CAPZB: variants seen among roughly 807,000 people sequenced by gnomAD.
The protein encoded by CAPZB is capping actin protein of muscle Z-line subunit beta, also known as F-actin-capping protein subunit beta.
Under a neutral mutation model 38.1 loss-of-function variants are expected in CAPZB, and 2 were observed. The ratio of observed to expected loss-of-function variants is 0.05; its 90% CI spans 0.02 to 0.17. The LOEUF (loss-of-function observed/expected upper bound fraction) is 0.17, where lower values mean the gene tolerates loss of function less well. Ranked by LOEUF, CAPZB falls within the 10% of genes least tolerant of loss-of-function variation. CAPZB has a pLI of 1.00. For missense variants in CAPZB, 161 were observed against 334.2 expected (o/e 0.48, Z 4.04); for synonymous variants, 107 against 127.4 (o/e 0.84, Z 1.08).
rs147950480 is a variant in CAPZB, at chr1:19,422,466, T to C, written c.4-2716A>G. ...ATGCAGGCAAACGTTTTATATATAA[T>C]TCTAATTTAAAGACCACACATACAC... On this transcript the variant is annotated intron_variant, in intron 1 of 8. Coordinates refer to ENST00000264202, the MANE Select transcript of CAPZB (RefSeq NM_004930.5). Among the ~76,000 whole-genome samples the C allele has an allele frequency of 5.2e-3, 794 of 152,234 alleles. 5 individuals carry two copies. The highest frequency in any genetic ancestry group is 0.018 in the African/African-American group (755 of 41,522).
chr1:19,387,346 T>C (rs2094209596), intron 2 of CAPZB, among the ~76,000 whole-genome samples: 1 of 152,210 alleles, frequency 6.6e-6, no homozygotes, highest in African/African-American at 2.4e-5. Flanking sequence ...AGCCCTCTCC[T>C]AGCCCCAGCC....
chr1:19,433,341 A>G (rs11585820), intron 1 of CAPZB, among the ~76,000 whole-genome samples: 31,698 of 152,188 alleles, frequency 0.21, 4,386 homozygotes, highest in African/African-American at 0.39. Context: ...TGTCTTCCAA[A>G]TAACAGTTAA....
chr1:19,347,308 G>C (rs1435082477), intron 6 of CAPZB, among the ~76,000 whole-genome samples: 1 of 152,168 alleles, frequency 6.6e-6, no homozygotes, highest in African/African-American at 2.4e-5. Context: ...AGCCCTGCAC[G>C]AGAGCACTTC....
chr1:19,416,369 G>A (rs2094379351), intron 2 of CAPZB, among the ~76,000 whole-genome samples: 1 of 152,068 alleles, frequency 6.6e-6, no homozygotes, highest in African/African-American at 2.4e-5. Context: ...ACCTCCCGGC[G>A]CTCCCAAGCC....
At chr1:19,458,031 T>A (rs1355572910) in intron 1 of CAPZB, among the ~76,000 whole-genome samples, 1 of 147,998 alleles carries the variant, frequency 6.8e-6, no homozygotes, top group Non-Finnish European at 1.5e-5. Context: ...GGAAGATGAA[T>A]AATTATATGT....
At chr1:19,353,640 T>G (rs1260322793) in intron 6 of CAPZB, among the ~76,000 whole-genome samples, 2 of 151,768 alleles carry the variant, frequency 1.3e-5, no homozygotes, top group Non-Finnish European at 2.9e-5. Flanking sequence ...TGACCACCCA[T>G]CCCCCAAGCC....
chr1:19,472,709 A>ATTTTTTTTTTTTTTTT (rs11334966), intron 1 of CAPZB, among the ~76,000 whole-genome samples: 3 of 61,166 alleles, frequency 4.9e-5, no homozygotes, highest in African/African-American at 2.1e-4. Flanking sequence ...TTCATTCTTC[A>ATTTTTTTTTTTTTTTT]TTTTTTTTTT....
At chr1:19,430,382 C>G (rs2094438088) in intron 1 of CAPZB, among the ~76,000 whole-genome samples, 3 of 152,182 alleles carry the variant, frequency 2.0e-5, no homozygotes, top group Admixed American at 1.3e-4. Context: ...GCTATACTTC[C>G]ACTGTAGTTT....
In CAPZB at chr1:19,448,812, T is replaced by A. The variant is rs41307876; in HGVS notation, c.4-29062A>T. On this transcript the variant is annotated intron_variant, in intron 1 of 8. Transcript: ENST00000264202. ...GCCACCTGTTGCTCCTCCTCCCCCCTCAGATCTAAAGTGCGTGTCACCTTT... is the reference window on the plus strand; with the variant it reads ...GCCACCTGTTGCTCCTCCTCCCCCCACAGATCTAAAGTGCGTGTCACCTTT... 2,709 of 1,612,508 alleles carry A rather than the reference T, an allele frequency of 1.7e-3. 5 individuals are homozygous for A. The highest frequency in any genetic ancestry group is 2.0e-3 in the Non-Finnish European group (2,372 of 1,179,626).
intron 4 of CAPZB, among the ~76,000 whole-genome samples, chr1:19,364,439 T>C (rs2094071870): frequency 1.3e-5 from 2 of 152,188 alleles, no homozygotes; most frequent in Admixed American, 1.3e-4. Context: ...ACTGAGACAG[T>C]TCTCTCTGGA....
chr1:19,446,966 T>C (rs1246375276), intron 1 of CAPZB, among the ~76,000 whole-genome samples: 2 of 152,170 alleles, frequency 1.3e-5, no homozygotes, highest in Non-Finnish European at 2.9e-5. Context: ...CCCTCTATGG[T>C]TTGTACTGTG....
Position 19,344,237 on chromosome 1 carries a change from A to T in CAPZB, c.731+121T>A, listed in dbSNP as rs1558168193. 4 of 743,236 alleles carry T rather than the reference A, an allele frequency of 5.4e-6. No individual in the cohort carries two copies. The East Asian group carries it at 1.0e-4, about 19-fold the overall frequency. 46.0% of individuals were successfully genotyped at this position (743,236 alleles called of 1,614,324 possible). ...ATCAACATAATGATCATCCCAGAAGAGGGGCACTGCAGCCTACCAATGAGG... is the reference window on the plus strand; with the variant it reads ...ATCAACATAATGATCATCCCAGAAGTGGGGCACTGCAGCCTACCAATGAGG... On this transcript the variant is annotated intron_variant, in intron 8 of 8. Transcript: ENST00000264202.
intron 2 of CAPZB, among the ~76,000 whole-genome samples, chr1:19,400,187 A>T (rs774485795): frequency 6.6e-6 from 1 of 151,826 alleles, no homozygotes; most frequent in South Asian, 2.1e-4. Flanking sequence ...CTGCTTACTA[A>T]AGGGAGCCCA....
At chr1:19,373,251 T>C (rs1169227621) in intron 4 of CAPZB, among the ~76,000 whole-genome samples, 2 of 152,030 alleles carry the variant, frequency 1.3e-5, no homozygotes, top group Admixed American at 6.5e-5. Flanking sequence ...GCACCCCTAC[T>C]CGCCTTTTGC....
Position 19,405,361 on chromosome 1 carries a change from C to T in CAPZB, c.93+14300G>A, listed in dbSNP as rs560296341. ...AGTACAGTTACAGCACACAGCAGTG[C>T]TTTCAGTGCGTTAGATAAAACGTGG... On this transcript the variant is annotated intron_variant, in intron 2 of 8. Transcript: ENST00000264202. Among the ~76,000 whole-genome samples, 6 of 152,194 alleles carry T rather than the reference C, an allele frequency of 3.9e-5. No individual in the cohort carries two copies. In the East Asian group the frequency reaches 1.2e-3, roughly 29 times the overall value.
At chr1:19,415,032 T>C (rs150097430) in intron 2 of CAPZB, among the ~76,000 whole-genome samples, 276 of 152,398 alleles carry the variant, frequency 1.8e-3, no homozygotes, top group African/African-American at 6.3e-3. Flanking sequence ...TTGGGCTGCC[T>C]TGGCCTGGCT....
intron 2 of CAPZB, among the ~76,000 whole-genome samples, chr1:19,408,598 G>C (rs1431919613): frequency 6.6e-6 from 1 of 152,230 alleles, no homozygotes; most frequent in Non-Finnish European, 1.5e-5. Flanking sequence ...GGTCTCTTCT[G>C]CCAGCAAAAG....
At chr1:19,344,144 T>C (rs1030943510) in intron 8 of CAPZB, among the ~76,000 whole-genome samples, 4 of 152,038 alleles carry the variant, frequency 2.6e-5, no homozygotes, top group African/African-American at 7.3e-5. Context: ...AGAAAACAAA[T>C]GGTGCAGATA....
At position 19,354,268 on chromosome 1, in the gene CAPZB, C is replaced by G. The variant is rs150072530; in HGVS notation, c.588+2367G>C. ...ACCATGCATGTTCATGCTCACTGAG[C>G]TGCTCACTTCTCCCAGAACCCTTCG... On this transcript the variant is annotated intron_variant, in intron 6 of 8. Coordinates refer to ENST00000264202, the MANE Select transcript of CAPZB (RefSeq NM_004930.5). Among the ~76,000 whole-genome samples, 96 of 152,326 alleles carry G rather than the reference C, an allele frequency of 6.3e-4. No individual in the cohort carries two copies. The East Asian group carries it at 0.017, about 27-fold the overall frequency.
Sources: gnomAD v4.1 joint callset for allele counts (sites outside exome capture counted in the v4.1 genomes callset) on GRCh38, gnomAD v4.1.1 for gene constraint, MANE v1.5 for transcripts, NCBI Gene and HGNC (gene_info 2026-07-23, HGNC 2026-07-21) for gene names.